The following UMAD1 variants were observed in gnomAD, a reference collection of about 807,000 sequenced individuals.
UMAD1 encodes the protein UBAP1-MVB12-associated (UMA) domain containing 1.
In UMAD1, 8 loss-of-function variants were observed where a neutral mutation model predicts 6.1. That is an observed-to-expected ratio of 1.30 (90% CI 0.76 to 2.35). The LOEUF (loss-of-function observed/expected upper bound fraction) is 2.35, where lower values mean the gene tolerates loss of function less well. Ranked by LOEUF, UMAD1 falls within the 30% of genes most tolerant of loss-of-function variation. The pLI is 0.00. For synonymous variants in UMAD1, 56 were observed against 31.4 expected, an observed-to-expected ratio of 1.78 and a Z score of -2.61; for missense variants, 130 against 78.4, an observed-to-expected ratio of 1.66 and a Z score of -2.49.
At chr7:7,641,510 C>T (rs747128098) in intron 1 of UMAD1, 5 of 152,170 alleles carry the variant, frequency 3.3e-5, no homozygotes, top group Non-Finnish European at 2.9e-5. Flanking sequence ...ACAGTTTAAA[C>T]CCCCTCAGCA....
intron 3 of UMAD1, among the ~76,000 whole-genome samples, chr7:7,826,427 G>A (rs1448874886): frequency 6.6e-6 from 1 of 152,112 alleles, no homozygotes; most frequent in Non-Finnish European, 1.5e-5. Context: ...GAGTGCCTGA[G>A]TGGATCAACT....
chr7:7,763,602 C>T (rs920410795), intron 2 of UMAD1, among the ~76,000 whole-genome samples: 17 of 152,286 alleles, frequency 1.1e-4, no homozygotes, highest in African/African-American at 3.6e-4. Context: ...TTAGGCCGGG[C>T]GTGGTGGCTT....
chr7:7,827,147 ATGTGTGTG>A (rs60211625), intron 3 of UMAD1, among the ~76,000 whole-genome samples: 1 of 134,150 alleles, frequency 7.5e-6, no homozygotes. Flanking sequence ...ATATATATAT[ATGTGTGTG>A]TGTGTGTGTG....
chr7:7,717,358 C>T (rs1308477344), intron 2 of UMAD1, among the ~76,000 whole-genome samples: 1 of 152,086 alleles, frequency 6.6e-6, no homozygotes, highest in African/African-American at 2.4e-5. Flanking sequence ...CGCCCAGCCT[C>T]CTGTTTCTTT....
intron 3 of UMAD1, among the ~76,000 whole-genome samples, chr7:7,807,350 T>G (rs1242779271): frequency 6.6e-6 from 1 of 152,106 alleles, no homozygotes; most frequent in East Asian, 1.9e-4. Flanking sequence ...TTAAGAACAT[T>G]TTAGAAATAC....
intron 2 of UMAD1, among the ~76,000 whole-genome samples, chr7:7,796,533 G>A (rs1194803038): frequency 6.6e-6 from 1 of 152,062 alleles, no homozygotes; most frequent in Non-Finnish European, 1.5e-5. Context: ...TTACAGGCGT[G>A]AGCCACCGTG....
At chr7:7,814,225 C>A (rs1210430522) in intron 3 of UMAD1, among the ~76,000 whole-genome samples, 4 of 152,142 alleles carry the variant, frequency 2.6e-5, no homozygotes, top group Non-Finnish European at 5.9e-5. Context: ...ACTTTGTGAT[C>A]CGCCTGCCTC....
chr7:7,831,416 G>C (rs948024900), intron 3 of UMAD1, among the ~76,000 whole-genome samples: 2 of 152,174 alleles, frequency 1.3e-5, no homozygotes, highest in African/African-American at 4.8e-5. Context: ...AGTTCTATTT[G>C]TTAGCTCCAT....
chr7:7,661,723 C>T lies in UMAD1; in HGVS notation c.-63-11586C>T, dbSNP rs1329772791. 3.9e-5 allele frequency among the ~76,000 whole-genome samples: 6 copies of T among 152,166 alleles called. No individual in the cohort carries two copies. The East Asian group carries it at 9.6e-4, about 24-fold the overall frequency. On this transcript the variant is annotated intron_variant, in intron 1 of 3. Transcript: ENST00000682710. ...CCCACCAGATGCCAGCCAGAGCTCT[C>T]CTCTATGAGGTGTCTGTCGGCCCCT...
chr7:7,714,107 A>G (rs930211880), intron 2 of UMAD1, among the ~76,000 whole-genome samples: 2 of 152,252 alleles, frequency 1.3e-5, no homozygotes. Context: ...AAGATTTTTA[A>G]TTTAATGTCC....
intron 1 of UMAD1, among the ~76,000 whole-genome samples, chr7:7,643,245 A>C (rs1012354468): frequency 1.3e-5 from 2 of 152,230 alleles, no homozygotes; most frequent in Non-Finnish European, 2.9e-5. Context: ...TTAAGAGACA[A>C]AAATGGTAAA....
chr7:7,762,862 T>A (rs937169930), intron 2 of UMAD1, among the ~76,000 whole-genome samples: 10 of 134,150 alleles, frequency 7.5e-5, no homozygotes, highest in African/African-American at 2.5e-4. Flanking sequence ...TACATATATG[T>A]AAGATTTAAT....
chr7:7,770,921 T>C (rs11976397), intron 2 of UMAD1, among the ~76,000 whole-genome samples: 13,848 of 151,978 alleles, frequency 0.091, 1,248 homozygotes, highest in African/African-American at 0.23. Context: ...TATTTAGAAA[T>C]GGCTTTGGTA....
intron 3 of UMAD1, among the ~76,000 whole-genome samples, chr7:7,804,727 A>T (rs1403293753): frequency 1.3e-5 from 2 of 152,228 alleles, no homozygotes; most frequent in Non-Finnish European, 2.9e-5. Flanking sequence ...CACGCCTGTA[A>T]TCCCAACACT....
intron 2 of UMAD1, among the ~76,000 whole-genome samples, chr7:7,678,013 A>G (rs867550786): frequency 4.6e-5 from 7 of 152,114 alleles, no homozygotes; most frequent in Non-Finnish European, 1.0e-4. Flanking sequence ...GGTTGATTCT[A>G]TATGTTGGCT....
At chr7:7,672,746 A>C (rs138871779) in intron 1 of UMAD1, among the ~76,000 whole-genome samples, 4 of 152,094 alleles carry the variant, frequency 2.6e-5, no homozygotes, top group African/African-American at 9.7e-5. Context: ...AGTCAATTAA[A>C]TCTCCTTTCT....
intron 2 of UMAD1, among the ~76,000 whole-genome samples, chr7:7,788,086 G>A (rs960384023): frequency 2.0e-5 from 3 of 152,174 alleles, no homozygotes; most frequent in Non-Finnish European, 4.4e-5. Context: ...ACCAGATGCT[G>A]AGAATACTGT....
intron 3 of UMAD1, among the ~76,000 whole-genome samples, chr7:7,832,909 C>T (rs11974031): frequency 0.14 from 20,785 of 151,962 alleles, 1,496 homozygotes; most frequent in South Asian, 0.22. Context: ...CCTAATGGGT[C>T]GGTCAGCTTT....
intron 1 of UMAD1, among the ~76,000 whole-genome samples, chr7:7,667,183 T>C (rs1779486876): frequency 6.6e-6 from 1 of 152,118 alleles, no homozygotes; most frequent in South Asian, 2.1e-4. Flanking sequence ...GCATTATAGG[T>C]TGGGTTCTAG....
Sources: gnomAD v4.1 joint callset for allele counts (sites outside exome capture counted in the v4.1 genomes callset) on GRCh38, gnomAD v4.1.1 for gene constraint, MANE v1.5 for transcripts, NCBI Gene and HGNC (gene_info 2026-07-23, HGNC 2026-07-21) for gene names.